GLDC: variants seen among roughly 807,000 people sequenced by gnomAD.
GLDC encodes glycine dehydrogenase (decarboxylating), mitochondrial.
GLDC carries 104 observed loss-of-function variants against 121.3 expected under a neutral mutation model. That is an observed-to-expected ratio of 0.86 (90% confidence interval 0.73 to 1.01). GLDC has a LOEUF of 1.01. Among genes scored for constraint, GLDC ranks in the 50% least tolerant of loss-of-function variants. The probability of loss-of-function intolerance (pLI) is 0.00; values close to 1 mark genes in which losing one functional copy is unlikely to be tolerated. For missense variants in GLDC, 1,429 were observed against 1,306.6 expected (o/e 1.09, Z -1.44); for synonymous variants, 546 against 480.6 (o/e 1.14, Z -1.78).
intron 2 of GLDC, among the ~76,000 whole-genome samples, chr9:6,626,372 A>G (rs1819238188): frequency 6.6e-6 from 1 of 152,228 alleles, no homozygotes; most frequent in Non-Finnish European, 1.5e-5. Context: ...CAGAAGGAGC[A>G]GGATTGAAAT....
chr9:6,585,566 T>A (rs1332441701), intron 15 of GLDC, among the ~76,000 whole-genome samples: 1 of 152,132 alleles, frequency 6.6e-6, no homozygotes, highest in East Asian at 1.9e-4. Flanking sequence ...GGTTTGTATT[T>A]TATAGGGTGT....
At chr9:6,604,307 T>C (rs918546289) in intron 7 of GLDC, among the ~76,000 whole-genome samples, 1 of 152,186 alleles carries the variant, frequency 6.6e-6, no homozygotes, top group Non-Finnish European at 1.5e-5. Flanking sequence ...GCCTAAAATA[T>C]TTAGTCTTTC....
In GLDC at chr9:6,533,134, G is replaced by T. The variant is rs1270215089; in HGVS notation, c.2946C>A (p.Phe982Leu). ...PLPFVKPENK[F>L]WPTIARIDDI... is the part of the protein sequence containing the mutation. Reference sequence around the variant, plus strand: ...CATCAATCCGGGCAATCGTTGGCCAGAATTTGTTCTCTGGTTTCACGAAGG... The same window carrying T: ...CATCAATCCGGGCAATCGTTGGCCATAATTTGTTCTCTGGTTTCACGAAGG... Residue 982 changes from phenylalanine (F) to leucine (L), a missense_variant, in exon 25 of 25, where the codon TTC becomes TTA. Phe to Leu is a conservative substitution (Grantham distance 22). Coordinates refer to ENST00000321612, the MANE Select transcript of GLDC (RefSeq NM_000170.3). 2 of 1,613,430 alleles carry T rather than the reference G, an allele frequency of 1.2e-6. No individual in the cohort carries two copies. Among genetic ancestry groups the T allele is most frequent in the African/African-American group, 1.3e-5 (1 of 75,032 alleles).
chr9:6,543,076 A>T (rs1033341042), intron 21 of GLDC, among the ~76,000 whole-genome samples: 1 of 152,000 alleles, frequency 6.6e-6, no homozygotes, highest in African/African-American at 2.4e-5. Context: ...TGGGAGTTGG[A>T]GACCAGCCTG....
Position 6,532,657 on chromosome 9 carries a change from T to G in GLDC, c.*360A>C. The G allele has an allele frequency of 3.4e-6, 1 of 298,324 alleles. No homozygotes were observed. The highest frequency in any genetic ancestry group is 6.5e-6 in the Non-Finnish European group (1 of 154,300). 18.5% of individuals were successfully genotyped at this position (298,324 alleles called of 1,614,324 possible). ...TTTCCCACAGATGGCACAGTCCACA[T>G]GGACTCTTTTGGAACAAAAAAATGT... On this transcript the variant is annotated 3_prime_UTR_variant, in exon 25 of 25. Coordinates refer to ENST00000321612, the MANE Select transcript of GLDC (RefSeq NM_000170.3).
intron 23 of GLDC, 145 bp from the exon 24 acceptor site, chr9:6,534,933 T>A (rs1020040389): frequency 6.0e-6 from 4 of 670,946 alleles, no homozygotes; most frequent in Non-Finnish European, 1.1e-5. Flanking sequence ...TACAATGTGA[T>A]TTATAATTGT....
At chr9:6,611,362 C>T (rs909473291) in intron 3 of GLDC, among the ~76,000 whole-genome samples, 1 of 152,192 alleles carries the variant, frequency 6.6e-6, no homozygotes, top group South Asian at 2.1e-4. Context: ...TCGAGACCAT[C>T]CTGGCTAACA....
intron 2 of GLDC, among the ~76,000 whole-genome samples, chr9:6,625,621 A>T (rs1819219086): frequency 6.6e-6 from 1 of 152,232 alleles, no homozygotes; most frequent in African/African-American, 2.4e-5. Context: ...ACAGTCCCTC[A>T]CTAGGTACTG....
intron 2 of GLDC, among the ~76,000 whole-genome samples, chr9:6,621,571 G>A (rs1172455561): frequency 6.6e-6 from 1 of 152,202 alleles, no homozygotes; most frequent in South Asian, 2.1e-4. Flanking sequence ...AGGCTGGAGT[G>A]CAGTGGCTCG....
chr9:6,615,789 T>C (rs1818957169), intron 3 of GLDC, among the ~76,000 whole-genome samples: 1 of 152,126 alleles, frequency 6.6e-6, no homozygotes, highest in Non-Finnish European at 1.5e-5. Flanking sequence ...TTTTTTTGTA[T>C]TTTTTGTAGA....
At chr9:6,610,168 C>A in intron 4 of GLDC, 24 bp downstream of exon 4, 2 of 1,586,764 alleles carry the variant, frequency 1.3e-6, no homozygotes, top group Non-Finnish European at 1.7e-6. Context: ...AACTGGAATT[C>A]CAGCACTTTG....
chr9:6,605,532 T>C (rs1298982611), intron 5 of GLDC, among the ~76,000 whole-genome samples: 1 of 152,096 alleles, frequency 6.6e-6, no homozygotes, highest in African/African-American at 2.4e-5. Flanking sequence ...CACAATCTAC[T>C]CCTCAGAGAG....
At chr9:6,596,463 T>G (rs909040988) in intron 8 of GLDC, among the ~76,000 whole-genome samples, 6 of 149,872 alleles carry the variant, frequency 4.0e-5, no homozygotes, top group Non-Finnish European at 8.8e-5. Flanking sequence ...ACAAAGGGCT[T>G]GAATCAGTGG....
In GLDC at chr9:6,620,175, A is replaced by C; in HGVS notation, c.470+9T>G. The stretch of plus-strand genomic sequence containing the variant: ...AGTCATCCTGTTCCTGAACTGAGAA[A>C]TACATTACCATCCTGAGTTCTCCAG... On this transcript the variant is annotated intron_variant, in intron 3 of 24. Transcript: ENST00000321612. 1 of 1,611,940 alleles carries C rather than the reference A, an allele frequency of 6.2e-7. No individual in the cohort carries two copies.
intron 4 of GLDC, 35 bp downstream of exon 4, chr9:6,610,157 C>T (rs1818822046): frequency 6.4e-7 from 1 of 1,558,184 alleles, no homozygotes; most frequent in Non-Finnish European, 8.8e-7. Flanking sequence ...AGGTGGCCCA[C>T]AACTGGAATT....
chr9:6,638,772 A>T (rs562487447), intron 2 of GLDC, among the ~76,000 whole-genome samples: 5 of 152,234 alleles, frequency 3.3e-5, no homozygotes, highest in African/African-American at 1.2e-4. Context: ...GCACTTTGGG[A>T]GGCCAAGGCA....
chr9:6,556,263 T>C lies in GLDC; in HGVS notation c.2092A>G (p.Thr698Ala). ...HKENLAAIMITYPSTNGVFEE... is the reference protein window; with the variant it reads ...HKENLAAIMIAYPSTNGVFEE... Reference sequence around the variant, plus strand: ...AACACCCCATTGGTGGATGGGTATGTAATCATGATAGCTGCTAGGTTCTCC... The same window carrying C: ...AACACCCCATTGGTGGATGGGTATGCAATCATGATAGCTGCTAGGTTCTCC... Residue 698 changes from threonine (T) to alanine (A), a missense_variant, in exon 18 of 25, where the codon ACA becomes GCA. Physicochemically the swap from Thr to Ala is moderately conservative, Grantham distance 58. Transcript: ENST00000321612. The C allele has an allele frequency of 1.9e-6, 3 of 1,613,398 alleles. 1 individual carries two copies. Among genetic ancestry groups the C allele is most frequent in the Middle Eastern group, 3.3e-4 (2 of 6,062 alleles).
chr9:6,613,792 T>C (rs1818910309), intron 3 of GLDC, among the ~76,000 whole-genome samples: 1 of 152,184 alleles, frequency 6.6e-6, no homozygotes, highest in African/African-American at 2.4e-5. Flanking sequence ...TTTTATTTTT[T>C]TTTAGATAGA....
chr9:6,553,325 G>A (rs746178235), intron 20 of GLDC, 43 bp downstream of exon 20: 33 of 1,594,682 alleles, frequency 2.1e-5, no homozygotes, highest in Middle Eastern at 1.9e-4. Context: ...CATGCCTGAC[G>A]CCCCCACCCA....
Sources: gnomAD v4.1 joint callset for allele counts (sites outside exome capture counted in the v4.1 genomes callset) on GRCh38, gnomAD v4.1.1 for gene constraint, MANE v1.5 for transcripts, NCBI Gene and HGNC (gene_info 2026-07-23, HGNC 2026-07-21) for gene names.